The following MSI2 variants were observed in gnomAD, a reference collection of about 807,000 sequenced individuals.
The protein encoded by MSI2 is musashi RNA binding protein 2.
Under a neutral mutation model 45.6 loss-of-function variants are expected in MSI2, and 17 were observed. The ratio of observed to expected loss-of-function variants is 0.37; its 90% CI spans 0.26 to 0.56. MSI2 has a LOEUF of 0.56. MSI2 is among the 20% of genes least tolerant of loss of function. The pLI, the probability that MSI2 is intolerant of heterozygous loss-of-function variation, is 0.77. For synonymous variants in MSI2, 156 were observed against 158.2 expected (o/e 0.99, Z 0.11); for missense variants, 293 against 444.2 (o/e 0.66, Z 3.06).
At chr17:57,325,229 A>G (rs992393232) in intron 5 of MSI2, among the ~76,000 whole-genome samples, 1 of 152,210 alleles carries the variant, frequency 6.6e-6, no homozygotes. Flanking sequence ...GGAATGGAAA[A>G]CCAATTATCA....
At chr17:57,281,110 T>A (rs1021047929) in intron 5 of MSI2, among the ~76,000 whole-genome samples, 2 of 152,126 alleles carry the variant, frequency 1.3e-5, no homozygotes, top group African/African-American at 2.4e-5. Context: ...GGCAATATCA[T>A]ACCAGGTGTG....
At chr17:57,504,511 G>A (rs568040208) in intron 6 of MSI2, among the ~76,000 whole-genome samples, 2 of 152,298 alleles carry the variant, frequency 1.3e-5, no homozygotes, top group Non-Finnish European at 2.9e-5. Flanking sequence ...TGGGCAGTCG[G>A]AGACATGGAA....
At chr17:57,546,910 C>G (rs1228230495) in intron 7 of MSI2, among the ~76,000 whole-genome samples, 1 of 152,216 alleles carries the variant, frequency 6.6e-6, no homozygotes, top group Non-Finnish European at 1.5e-5. Context: ...CAAATCCCAG[C>G]CCTCCTGAGC....
intron 5 of MSI2, among the ~76,000 whole-genome samples, chr17:57,368,383 C>G (rs1015725275): frequency 6.6e-6 from 1 of 151,974 alleles, no homozygotes; most frequent in Admixed American, 6.6e-5. Context: ...TGGCAAAACA[C>G]CGTCTCTACT....
intron 6 of MSI2, among the ~76,000 whole-genome samples, chr17:57,519,510 A>G (rs1598357855): frequency 6.6e-6 from 1 of 151,692 alleles, no homozygotes; most frequent in African/African-American, 2.4e-5. Flanking sequence ...GGCTTGCTCC[A>G]TGACTATGGA....
intron 5 of MSI2, among the ~76,000 whole-genome samples, chr17:57,298,727 A>G (rs1911189652): frequency 1.3e-5 from 2 of 152,198 alleles, no homozygotes; most frequent in South Asian, 4.1e-4. Context: ...GGCAGAGTAG[A>G]TTTAGCATAA....
At chr17:57,699,255 AC>A in the MSI2 span, among the ~76,000 whole-genome samples, 2 of 137,276 alleles carry the variant, frequency 1.5e-5, no homozygotes, top group Non-Finnish European at 3.1e-5. Context: ...CTCTCAAATG[AC>A]CCTAATGAGG....
intron 5 of MSI2, chr17:57,265,405 A>C (rs1907680456): frequency 1.3e-5 from 2 of 152,186 alleles, no homozygotes; most frequent in South Asian, 4.1e-4. Flanking sequence ...TATTCCGTGG[A>C]GGTGTTAAAA....
intron 6 of MSI2, among the ~76,000 whole-genome samples, chr17:57,493,182 C>T (rs116507530): frequency 0.011 from 1,690 of 152,280 alleles, 29 homozygotes; most frequent in African/African-American, 0.039. Context: ...ACGTGAGGAG[C>T]AATCATCTTT....
intron 5 of MSI2, among the ~76,000 whole-genome samples, chr17:57,327,705 C>T (rs142192087): frequency 1.7e-3 from 265 of 152,222 alleles, no homozygotes; most frequent in African/African-American, 5.9e-3. Context: ...ACAATCTTGT[C>T]GCAAAAACCA....
intron 6 of MSI2, among the ~76,000 whole-genome samples, chr17:57,476,118 C>A (rs2085532339): frequency 6.6e-6 from 1 of 152,200 alleles, no homozygotes; most frequent in Non-Finnish European, 1.5e-5. Flanking sequence ...TAGCCGGCAT[C>A]TTGTAGGAGG....
chr17:57,435,679 A>C (rs1222572518), intron 6 of MSI2, among the ~76,000 whole-genome samples: 1 of 151,996 alleles, frequency 6.6e-6, no homozygotes, highest in Non-Finnish European at 1.5e-5. Context: ...CTGCACACTA[A>C]AGAGACCTCC....
intron 7 of MSI2, among the ~76,000 whole-genome samples, chr17:57,595,662 T>TC (rs1905190833): frequency 6.8e-6 from 1 of 146,066 alleles, no homozygotes; most frequent in African/African-American, 2.6e-5. Flanking sequence ...ACTCATCACC[T>TC]CCCAGAGGCC....
At chr17:57,639,095 A>G (rs916550340) in intron 10 of MSI2, among the ~76,000 whole-genome samples, 4 of 152,150 alleles carry the variant, frequency 2.6e-5, no homozygotes, top group African/African-American at 9.7e-5. Flanking sequence ...ACTAATGCCA[A>G]TCATGAGGAC....
intron 5 of MSI2, among the ~76,000 whole-genome samples, chr17:57,380,541 C>T (rs1391486522): frequency 6.6e-6 from 1 of 152,170 alleles, no homozygotes; most frequent in Non-Finnish European, 1.5e-5. Context: ...GCTGGGGGAC[C>T]TGTAAGTGCC....
chr17:57,660,023 T>C (rs1911877494), intron 11 of MSI2, among the ~76,000 whole-genome samples: 1 of 152,202 alleles, frequency 6.6e-6, no homozygotes, highest in African/African-American at 2.4e-5. Flanking sequence ...GATTAAACAC[T>C]ATAGGTTAAT....
intron 7 of MSI2, among the ~76,000 whole-genome samples, chr17:57,551,932 C>T (rs1400520689): frequency 6.6e-6 from 1 of 152,208 alleles, no homozygotes; most frequent in East Asian, 1.9e-4. Context: ...CTTTCTCCCC[C>T]TGGCTGGAGC....
intron 5 of MSI2, among the ~76,000 whole-genome samples, chr17:57,303,144 G>A (rs1178974734): frequency 1.3e-5 from 2 of 152,224 alleles, no homozygotes; most frequent in African/African-American, 2.4e-5. Flanking sequence ...ATTGGCCAGG[G>A]AGGGTTCTGC....
At chr17:57,525,590 A>T (rs551705460) in intron 6 of MSI2, among the ~76,000 whole-genome samples, 1 of 152,080 alleles carries the variant, frequency 6.6e-6, no homozygotes, top group African/African-American at 2.4e-5. Flanking sequence ...TATCCGGCCT[A>T]TTTTGCTTTT....
Sources: gnomAD v4.1 joint callset for allele counts (sites outside exome capture counted in the v4.1 genomes callset) on GRCh38, gnomAD v4.1.1 for gene constraint, MANE v1.5 for transcripts, NCBI Gene and HGNC (gene_info 2026-07-23, HGNC 2026-07-21) for gene names.